Variants in KPNA4 observed in about 807,000 individuals in gnomAD.
KPNA4 encodes importin subunit alpha-3.
Under a neutral mutation model 71.3 loss-of-function variants are expected in KPNA4, and 13 were observed. The observed-to-expected ratio is 0.18, with a 90% CI of 0.12 to 0.29. KPNA4 has a LOEUF of 0.29. KPNA4 is among the 10% of genes least tolerant of loss of function. KPNA4 has a pLI of 1.00. For synonymous variants in KPNA4, 189 were observed against 195.2 expected, an observed-to-expected ratio of 0.97 and a Z score of 0.26; for missense variants, 334 against 603.2, an observed-to-expected ratio of 0.55 and a Z score of 4.67.
intron 5 of KPNA4, 85 bp from the exon 6 acceptor site, chr3:160,531,642 C>G: frequency 1.6e-6 from 1 of 643,150 alleles, no homozygotes; most frequent in Non-Finnish European, 2.5e-6. Flanking sequence ...CAAATATTAA[C>G]ATAAATCTGA....
chr3:160,534,803 C>T (rs933356959), intron 5 of KPNA4, among the ~76,000 whole-genome samples: 6 of 143,166 alleles, frequency 4.2e-5, no homozygotes, highest in African/African-American at 1.5e-4. Context: ...TCATTAATCT[C>T]TTTTTTTTTT....
intron 5 of KPNA4, among the ~76,000 whole-genome samples, chr3:160,534,718 G>GAAAAAAAAAAAGAA (rs1721648119): frequency 1.4e-5 from 1 of 73,138 alleles, no homozygotes; most frequent in Non-Finnish European, 2.6e-5. Context: ...CTCCATCTCA[G>GAAAAAAAAAAAGAA]AAAAAAAAAA....
intron 11 of KPNA4, among the ~76,000 whole-genome samples, chr3:160,518,941 A>C (rs1721289587): frequency 1.3e-5 from 2 of 152,206 alleles, no homozygotes; most frequent in African/African-American, 4.8e-5. Context: ...ATTGATCTGC[A>C]TGTCTATATT....
At chr3:160,556,929 C>T (rs761145550) in intron 1 of KPNA4, among the ~76,000 whole-genome samples, 1 of 152,042 alleles carries the variant, frequency 6.6e-6, no homozygotes, top group Non-Finnish European at 1.5e-5. Flanking sequence ...AATAAGGAAC[C>T]AAACCTACCC....
intron 12 of KPNA4, 46 bp downstream of exon 12, chr3:160,515,406 T>G: frequency 6.7e-7 from 1 of 1,483,552 alleles, no homozygotes; most frequent in Non-Finnish European, 9.2e-7. Flanking sequence ...TAGAAACTGT[T>G]AACATTTTAA....
At chr3:160,525,191 AT>A (rs550926604) in intron 10 of KPNA4, among the ~76,000 whole-genome samples, 1 of 151,620 alleles carries the variant, frequency 6.6e-6, no homozygotes, top group Non-Finnish European at 1.5e-5. Flanking sequence ...GCCTGCACTG[AT>A]TTTTTTTTCC....
rs1417987387 is a variant in KPNA4, at chr3:160,509,803, A to T, written c.1206T>A (p.Asp402Glu). Residue 402 changes from aspartate (D) to glutamate (E), a missense_variant, in exon 14 of 17, where the codon GAT (aspartate) becomes GAA (glutamate). Coordinates refer to ENST00000334256, the MANE Select transcript of KPNA4 (RefSeq NM_002268.5). ...ISNLTISGRKDQVAYLIQQNV... is the reference protein window; with the variant it reads ...ISNLTISGRKEQVAYLIQQNV... Reference sequence around the variant, plus strand: ...AATTTTAAAAAGCTCAACTTACTTGATCTTTCCTTCCACTAATTGTTAAGT... The same window carrying T: ...AATTTTAAAAAGCTCAACTTACTTGTTCTTTCCTTCCACTAATTGTTAAGT... 3 of 1,589,844 alleles carry T rather than the reference A, an allele frequency of 1.9e-6. No homozygotes were observed. The African/African-American group carries it at 4.0e-5, about 21-fold the overall frequency.
rs1410081046 is a variant in KPNA4 at position 160,525,983 on chromosome 3, T to C, written c.681A>G (p.Leu227=). Residue 227 remains leucine, a synonymous_variant, in exon 9 of 17, where the codon TTA becomes TTG. Coordinates refer to ENST00000334256, the MANE Select transcript of KPNA4 (RefSeq NM_002268.5). ...LRNVTWVMVN[L]CRHKDPPPPM... ...GTGGTGGTGGGTCTTTGTGGCGACA[T>C]AAGTTGACCATAACCCAAGTAACAT... 1 of 1,596,790 alleles carries C rather than the reference T, an allele frequency of 6.3e-7. No homozygotes were observed. The highest frequency in any genetic ancestry group is 8.5e-7 in the Non-Finnish European group (1 of 1,172,762).
intron 13 of KPNA4, among the ~76,000 whole-genome samples, chr3:160,510,140 A>G (rs922693268): frequency 6.6e-6 from 1 of 152,192 alleles, no homozygotes; most frequent in African/African-American, 2.4e-5. Context: ...TGATGATAAA[A>G]TGAAATAAAA....
Position 160,495,657 on chromosome 3 carries a change from G to C in KPNA4, c.*6447C>G, listed in dbSNP as rs1378100646. The stretch of plus-strand genomic sequence containing the variant: ...AACTGAATATAATACTGACATGGCA[G>C]AAGTGCGAGTTTTATCAGTGATACA... On this transcript the variant is annotated 3_prime_UTR_variant, in exon 17 of 17. Coordinates refer to ENST00000334256, the MANE Select transcript of KPNA4 (RefSeq NM_002268.5). The C allele has an allele frequency of 1.3e-5, 2 of 151,768 alleles. No individual in the cohort carries two copies. Among genetic ancestry groups the C allele is most frequent in the African/African-American group, 4.8e-5 (2 of 41,262 alleles). The allele number at this position is 151,768 out of a possible 1,614,324, so 9.4% of individuals were successfully genotyped here. A position where few individuals can be genotyped will look rare whatever the true frequency, so the allele number is the denominator to read the frequency against.
At position 160,535,571 on chromosome 3, in the gene KPNA4, AAAAAT is replaced by A; in HGVS notation, c.235-11_235-7del. The A allele has an allele frequency of 6.3e-7, 1 of 1,591,788 alleles. No homozygotes were observed. Among genetic ancestry groups the A allele is most frequent in the Non-Finnish European group, 8.6e-7 (1 of 1,167,642 alleles). The stretch of plus-strand genomic sequence containing the variant: ...TGGTTATCACTTGAAGCATTCTATA[AAAAAT>A]AAAATAATTTATGATGTAAATATAT... On this transcript the variant is annotated splice_polypyrimidine_tract_variant and splice_region_variant and intron_variant, in intron 4 of 16. Coordinates refer to ENST00000334256, the MANE Select transcript of KPNA4 (RefSeq NM_002268.5).
chr3:160,541,649 G>GCACACACACACACACACA (rs60806533), intron 1 of KPNA4, among the ~76,000 whole-genome samples: 1 of 146,648 alleles, frequency 6.8e-6, no homozygotes, highest in Non-Finnish European at 1.5e-5. Flanking sequence ...TTATATACGC[G>GCACACACACACACACACA]CACACACACA....
chr3:160,525,065 C>G (rs1234961560), intron 10 of KPNA4, among the ~76,000 whole-genome samples: 1 of 152,204 alleles, frequency 6.6e-6, no homozygotes, highest in Non-Finnish European at 1.5e-5. Flanking sequence ...GCTGGTCTGG[C>G]TTTTACAAGC....
chr3:160,533,004 T>C (rs967426409), intron 5 of KPNA4, among the ~76,000 whole-genome samples: 9 of 152,228 alleles, frequency 5.9e-5, no homozygotes, highest in Non-Finnish European at 1.0e-4. Flanking sequence ...TTATACAGCA[T>C]AGCCCTACGT....
intron 16 of KPNA4, among the ~76,000 whole-genome samples, chr3:160,502,722 C>T (rs959883727): frequency 4.6e-5 from 7 of 152,060 alleles, no homozygotes; most frequent in East Asian, 1.9e-4. Context: ...ATATGTAAGA[C>T]GGGCATTTTC....
At chr3:160,535,993 C>A in intron 2 of KPNA4, 96 bp from the exon 3 acceptor site, 1 of 950,918 alleles carries the variant, frequency 1.1e-6, no homozygotes, top group East Asian at 3.3e-5. Flanking sequence ...CAATCCTGTG[C>A]CTAAAAACTG....
At chr3:160,506,782 G>A (rs1208758798) in intron 15 of KPNA4, among the ~76,000 whole-genome samples, 2 of 152,110 alleles carry the variant, frequency 1.3e-5, no homozygotes, top group Non-Finnish European at 2.9e-5. Flanking sequence ...TCCCTAATTA[G>A]TTCTGTAACA....
rs56389920 is a variant in KPNA4 at position 160,500,221 on chromosome 3, C to A, written c.*1883G>T. 6.6e-6 allele frequency: 1 copy of A among 152,526 alleles called. No individual in the cohort carries two copies. The highest frequency in any genetic ancestry group is 6.5e-5 in the Admixed American group (1 of 15,278). 9.4% of individuals were successfully genotyped at this position (152,526 alleles called of 1,614,324 possible). ...TTTCCCCAAGACAGCCTAGCCTGCA[C>A]TCTACTTGGATAAATTTTACAAGCT... On this transcript the variant is annotated 3_prime_UTR_variant, in exon 17 of 17. Coordinates refer to ENST00000334256, the MANE Select transcript of KPNA4 (RefSeq NM_002268.5).
intron 1 of KPNA4, among the ~76,000 whole-genome samples, chr3:160,563,515 A>G (rs774052254): frequency 6.6e-6 from 1 of 152,228 alleles, no homozygotes; most frequent in South Asian, 2.1e-4. Context: ...ATTGTATGGC[A>G]TGCGAATTAC....
Sources: allele counts gnomAD v4.1 joint callset (sites outside exome capture counted in the v4.1 genomes callset), GRCh38; gene constraint gnomAD v4.1.1; transcripts MANE v1.5; gene names NCBI Gene and HGNC (gene_info 2026-07-23, HGNC 2026-07-21).